GRM1: variants seen among roughly 807,000 people sequenced by gnomAD.
GRM1 encodes the protein metabotropic glutamate receptor 1.
Under a neutral mutation model 90.9 loss-of-function variants are expected in GRM1, and 33 were observed. The observed-to-expected ratio is 0.36, with a 90% CI of 0.28 to 0.49. The LOEUF is 0.49. Among genes scored for constraint, GRM1 ranks in the 20% least tolerant of loss-of-function variants. The pLI, the probability that GRM1 is intolerant of heterozygous loss-of-function variation, is 0.99. For synonymous variants in GRM1, 700 were observed against 613.2 expected (o/e 1.14, Z -2.09); for missense variants, 1,190 against 1,534.3 (o/e 0.78, Z 3.75).
At chr6:146,322,889 G>T (rs999267689) in intron 3 of GRM1, among the ~76,000 whole-genome samples, 7 of 152,088 alleles carry the variant, frequency 4.6e-5, no homozygotes, top group Non-Finnish European at 1.0e-4. Context: ...TGCTGAGAAT[G>T]ATGGTTTCTA....
At chr6:146,261,430 G>T (rs911690823) in intron 2 of GRM1, among the ~76,000 whole-genome samples, 6 of 152,090 alleles carry the variant, frequency 3.9e-5, no homozygotes, top group Admixed American at 1.3e-4. Flanking sequence ...GTTTAAATGT[G>T]CCAGTTCAAA....
intron 2 of GRM1, among the ~76,000 whole-genome samples, chr6:146,187,738 C>CAT (rs10656760): frequency 0.12 from 17,356 of 148,438 alleles, 1,879 homozygotes; most frequent in African/African-American, 0.29. Flanking sequence ...AGGCACAAAA[C>CAT]ATATATATAT....
At chr6:146,335,365 C>T (rs142417891) in intron 3 of GRM1, among the ~76,000 whole-genome samples, 341 of 152,236 alleles carry the variant, frequency 2.2e-3, no homozygotes, top group Non-Finnish European at 3.2e-3. Flanking sequence ...TAAATAGGGA[C>T]CCTAAGGGTC....
At chr6:146,414,426 T>C (rs967163151) in intron 7 of GRM1, among the ~76,000 whole-genome samples, 2 of 151,452 alleles carry the variant, frequency 1.3e-5, no homozygotes, top group African/African-American at 2.4e-5. Flanking sequence ...GTTGTTGAGA[T>C]GGAGTCTCAC....
At chr6:146,226,562 G>A (rs1295006444) in intron 2 of GRM1, among the ~76,000 whole-genome samples, 1 of 151,800 alleles carries the variant, frequency 6.6e-6, no homozygotes, top group African/African-American at 2.4e-5. Flanking sequence ...CATTATCTAT[G>A]TATCACTAGC....
intron 1 of GRM1, among the ~76,000 whole-genome samples, chr6:146,034,092 G>T (rs558488404): frequency 1.3e-5 from 2 of 152,010 alleles, no homozygotes; most frequent in East Asian, 3.8e-4. Context: ...GCTTGCCCAC[G>T]CTCAAAGCTT....
At chr6:146,386,408 C>T (rs1200030348) in intron 5 of GRM1, among the ~76,000 whole-genome samples, 3 of 151,980 alleles carry the variant, frequency 2.0e-5, no homozygotes, top group Non-Finnish European at 4.4e-5. Context: ...TATAGTTGCT[C>T]TTGAGTGAAA....
chr6:146,051,257 A>G (rs1458755774), intron 1 of GRM1, among the ~76,000 whole-genome samples: 1 of 152,072 alleles, frequency 6.6e-6, no homozygotes, highest in East Asian at 1.9e-4. Flanking sequence ...GCTAGCATAT[A>G]ATAAGAACTC....
intron 3 of GRM1, chr6:146,340,476 C>T (rs1254797244): frequency 6.6e-6 from 1 of 152,358 alleles, no homozygotes; most frequent in Non-Finnish European, 1.5e-5. Flanking sequence ...AGAAGCTAGA[C>T]AGAGTCAGGC....
intron 1 of GRM1, among the ~76,000 whole-genome samples, chr6:146,039,983 A>G (rs1391938940): frequency 6.6e-6 from 1 of 152,018 alleles, no homozygotes; most frequent in Non-Finnish European, 1.5e-5. Context: ...CTGGAAAGAG[A>G]GTTATATTTG....
intron 2 of GRM1, among the ~76,000 whole-genome samples, chr6:146,267,888 CAG>C (rs1490663294): frequency 6.6e-6 from 1 of 152,182 alleles, no homozygotes; most frequent in Non-Finnish European, 1.5e-5. Context: ...CAGACACACT[CAG>C]GATTAATACC....
intron 3 of GRM1, among the ~76,000 whole-genome samples, chr6:146,336,273 C>A (rs1325642786): frequency 6.6e-6 from 1 of 152,110 alleles, no homozygotes; most frequent in Admixed American, 6.5e-5. Flanking sequence ...GAGCCAGAGG[C>A]AGAGATTCCT....
At chr6:146,172,978 C>T (rs183819957) in intron 2 of GRM1, among the ~76,000 whole-genome samples, 2 of 152,268 alleles carry the variant, frequency 1.3e-5, no homozygotes. Flanking sequence ...GGCGACATTT[C>T]TTCCTCTGAC....
intron 2 of GRM1, among the ~76,000 whole-genome samples, chr6:146,162,871 A>T (rs1777784667): frequency 6.6e-6 from 1 of 152,126 alleles, no homozygotes; most frequent in African/African-American, 2.4e-5. Flanking sequence ...TATGCCATGA[A>T]GCAATTATAT....
At chr6:146,333,353 T>C (rs1230978650) in intron 3 of GRM1, among the ~76,000 whole-genome samples, 13 of 152,208 alleles carry the variant, frequency 8.5e-5, no homozygotes, top group South Asian at 4.2e-4. Context: ...CAGGTGTTGA[T>C]TCTTTTTTTT....
chr6:146,071,927 A>G (rs561073398), intron 1 of GRM1, among the ~76,000 whole-genome samples: 2 of 152,172 alleles, frequency 1.3e-5, no homozygotes, highest in South Asian at 4.1e-4. Flanking sequence ...CTGGAAACAA[A>G]TTAACAGCTG....
intron 7 of GRM1, among the ~76,000 whole-genome samples, chr6:146,417,215 C>T (rs1010693363): frequency 6.6e-6 from 1 of 152,166 alleles, no homozygotes. Flanking sequence ...AGTCCTGTTC[C>T]TTCTAATTTG....
Position 146,119,310 on chromosome 6 carries a change from T to C in GRM1, c.701-40038T>C, listed in dbSNP as rs534834208. Among the ~76,000 whole-genome samples, 11 of 152,346 alleles carry C rather than the reference T, an allele frequency of 7.2e-5. No individual in the cohort carries two copies. In the South Asian group the frequency reaches 2.3e-3, roughly 32 times the overall value. ...GTTGTTTGTTTTTTTCTTGTAAATT[T>C]GTTTGAGTTCTTTGTAGATCCTGGA... On this transcript the variant is annotated intron_variant, in intron 1 of 7. Coordinates refer to ENST00000282753, the MANE Select transcript of GRM1 (RefSeq NM_001278064.2).
At chr6:146,041,943 G>C (rs1257167431) in intron 1 of GRM1, among the ~76,000 whole-genome samples, 1 of 151,944 alleles carries the variant, frequency 6.6e-6, no homozygotes, top group Non-Finnish European at 1.5e-5. Flanking sequence ...TTTGGTGTCT[G>C]GTGAGGGCTG....
Sources: allele counts gnomAD v4.1 joint callset (sites outside exome capture counted in the v4.1 genomes callset), GRCh38; gene constraint gnomAD v4.1.1; transcripts MANE v1.5; gene names NCBI Gene and HGNC (gene_info 2026-07-23, HGNC 2026-07-21).